RERE: variants seen among roughly 807,000 people sequenced by gnomAD.
The protein encoded by RERE is arginine-glutamic acid dipeptide repeats, also known as arginine-glutamic acid dipeptide repeats protein.
RERE carries 40 observed loss-of-function variants against 146.1 expected under a neutral mutation model. That is an observed-to-expected ratio of 0.27 (90% CI 0.21 to 0.36). The LOEUF (loss-of-function observed/expected upper bound fraction) is 0.36. RERE is among the 10% of genes least tolerant of loss of function. RERE has a pLI of 1.00. For synonymous variants in RERE, 1,003 were observed against 866.0 expected, an observed-to-expected ratio of 1.16 and a Z score of -2.78; for missense variants, 1,933 against 2,138.7, an observed-to-expected ratio of 0.90 and a Z score of 1.90.
chr1:8,358,812 A>G lies in RERE; in HGVS notation c.3723T>C (p.Ala1241=), dbSNP rs552053104. 5 of 1,612,256 alleles carry G rather than the reference A, an allele frequency of 3.1e-6. No individual in the cohort carries two copies. In the African/African-American group the frequency reaches 5.3e-5, roughly 17 times the overall value. Reference sequence around the variant, plus strand: ...TGTCGGGCCCGATGTAGGGGGGCACAGCAGCAATGGTGGTTGGTGGTGGCT... The same window carrying G: ...TGTCGGGCCCGATGTAGGGGGGCACGGCAGCAATGGTGGTTGGTGGTGGCT... ...SFEPPPTTIA[A]VPPYIGPDTP... Residue 1241 remains alanine, a synonymous_variant, in exon 20 of 23, where the codon GCT becomes GCC. Coordinates refer to ENST00000400908, the MANE Select transcript of RERE (RefSeq NM_001042681.2).
intron 1 of RERE, among the ~76,000 whole-genome samples, chr1:8,763,294 GA>G (rs1247846101): frequency 6.6e-6 from 1 of 151,756 alleles, no homozygotes; most frequent in East Asian, 1.9e-4. Flanking sequence ...AAAACTAAAA[GA>G]AAAAAAATCT....
intron 7 of RERE, among the ~76,000 whole-genome samples, chr1:8,520,768 A>AAAC (rs1469549799): frequency 2.0e-5 from 3 of 150,584 alleles, no homozygotes; most frequent in Non-Finnish European, 3.0e-5. Flanking sequence ...AAAAAAAAAA[A>AAAC]AAAAAAAACC....
At chr1:8,685,269 A>C (rs1177352751) in intron 1 of RERE, among the ~76,000 whole-genome samples, 2 of 152,242 alleles carry the variant, frequency 1.3e-5, no homozygotes, top group Admixed American at 6.5e-5. Context: ...CTTTCCAGGA[A>C]GCATTTTATA....
At chr1:8,698,591 T>C (rs1306687590) in intron 1 of RERE, among the ~76,000 whole-genome samples, 2 of 152,258 alleles carry the variant, frequency 1.3e-5, no homozygotes, top group African/African-American at 2.4e-5. Flanking sequence ...GAAAACAAGA[T>C]ATGAGAAACA....
chr1:8,637,941 C>A (rs888232171), intron 2 of RERE, among the ~76,000 whole-genome samples: 14 of 152,184 alleles, frequency 9.2e-5, no homozygotes, highest in African/African-American at 3.1e-4. Context: ...TATCGATATT[C>A]ATCACTGCTG....
In RERE at chr1:8,472,376, G is replaced by A. The variant is rs544241006; in HGVS notation, c.1105-6353C>T. On this transcript the variant is annotated intron_variant, in intron 10 of 22. Transcript: ENST00000400908. ...GACCACACAGCTACGTCTATAGTCA[G>A]GAAATTTAACACAGGCTTCCCCATA... 9.0e-4 allele frequency among the ~76,000 whole-genome samples: 137 copies of A among 152,240 alleles called. 3 individuals are homozygous for A. In the South Asian group the frequency reaches 0.027, roughly 30 times the overall value.
At chr1:8,410,932 G>C (rs1643597671) in intron 12 of RERE, among the ~76,000 whole-genome samples, 1 of 152,158 alleles carries the variant, frequency 6.6e-6, no homozygotes, top group Non-Finnish European at 1.5e-5. Flanking sequence ...TGATTGACTA[G>C]CATCAGGAAT....
At chr1:8,701,093 T>C (rs779638214) in intron 1 of RERE, among the ~76,000 whole-genome samples, 13 of 152,204 alleles carry the variant, frequency 8.5e-5, no homozygotes, top group South Asian at 4.1e-4. Context: ...GAGCAGCCAA[T>C]GCATTCTGAC....
chr1:8,645,598 G>A (rs992842934), intron 2 of RERE, among the ~76,000 whole-genome samples: 9 of 152,228 alleles, frequency 5.9e-5, no homozygotes, highest in East Asian at 1.9e-4. Flanking sequence ...GATTGGGGGC[G>A]GAATCTGAGA....
chr1:8,470,022 G>C (rs977403202), intron 10 of RERE, among the ~76,000 whole-genome samples: 1 of 152,170 alleles, frequency 6.6e-6, no homozygotes, highest in Non-Finnish European at 1.5e-5. Context: ...CTATTCCAGT[G>C]ACACGGTAAC....
chr1:8,508,906 A>C (rs1645292826), intron 7 of RERE, among the ~76,000 whole-genome samples: 1 of 151,920 alleles, frequency 6.6e-6, no homozygotes. Context: ...TTTCATGAGA[A>C]CCTTCCTACA....
chr1:8,649,685 G>C (rs1570563652), intron 2 of RERE, among the ~76,000 whole-genome samples: 1 of 148,542 alleles, frequency 6.7e-6, no homozygotes, highest in African/African-American at 2.5e-5. Context: ...AGCTGAGATT[G>C]CACCACTGCA....
intron 12 of RERE, among the ~76,000 whole-genome samples, chr1:8,366,935 A>AC (rs1437772923): frequency 6.0e-5 from 9 of 150,354 alleles, no homozygotes; most frequent in East Asian, 1.9e-4. Flanking sequence ...AAAACAAAAA[A>AC]AAAAAACCCA....
In RERE at chr1:8,613,448, T is replaced by C. The variant is rs1451724459; in HGVS notation, c.522+1113A>G. Among the ~76,000 whole-genome samples the C allele has an allele frequency of 7.2e-5, 11 of 152,310 alleles. No homozygotes were observed. In the East Asian group the frequency reaches 1.9e-3, roughly 27 times the overall value. On this transcript the variant is annotated intron_variant, in intron 4 of 22. Transcript: ENST00000400908. ...CTGCCATGTACACCTGGAAGGCTCC[T>C]ACACTCTGCCTATCCACTTCTTATT... is the stretch of plus-strand genomic sequence containing the variant.
At chr1:8,522,938 G>A (rs774472983) in intron 7 of RERE, among the ~76,000 whole-genome samples, 2 of 151,734 alleles carry the variant, frequency 1.3e-5, no homozygotes, top group Non-Finnish European at 2.9e-5. Flanking sequence ...CACTTTGGGA[G>A]GCCAAGGCAG....
chr1:8,816,728 C>T (rs1641919041), intron 1 of RERE, among the ~76,000 whole-genome samples: 1 of 152,110 alleles, frequency 6.6e-6, no homozygotes, highest in African/African-American at 2.4e-5. Context: ...AGATTGGGAG[C>T]ACAAAGAGGA....
At chr1:8,760,837 C>T (rs1388115928) in intron 1 of RERE, among the ~76,000 whole-genome samples, 4 of 152,126 alleles carry the variant, frequency 2.6e-5, no homozygotes, top group South Asian at 2.1e-4. Context: ...GCAGTGGAGC[C>T]AGCAAGACTC....
At chr1:8,583,862 A>G (rs1307314147) in intron 4 of RERE, among the ~76,000 whole-genome samples, 1 of 152,048 alleles carries the variant, frequency 6.6e-6, no homozygotes, top group Non-Finnish European at 1.5e-5. Context: ...ATTCGCATAA[A>G]AACAAGCAAA....
chr1:8,654,399 G>A (rs942618043), intron 2 of RERE, among the ~76,000 whole-genome samples: 5 of 152,094 alleles, frequency 3.3e-5, no homozygotes, highest in Non-Finnish European at 7.3e-5. Context: ...GGAACTTGAC[G>A]TGAAGTTCAT....
Sources: allele counts gnomAD v4.1 joint callset (sites outside exome capture counted in the v4.1 genomes callset), GRCh38; gene constraint gnomAD v4.1.1; transcripts MANE v1.5; gene names NCBI Gene and HGNC (gene_info 2026-07-23, HGNC 2026-07-21).